Variants in ZNF385D observed in about 807,000 individuals in gnomAD.
ZNF385D encodes zinc finger protein 385D, also known as zinc finger protein 659.
A neutral mutation model predicts 35.8 loss-of-function variants in ZNF385D; 15 were observed. The observed-to-expected ratio is 0.42, with a 90% CI of 0.28 to 0.64. ZNF385D has a LOEUF of 0.64. ZNF385D is among the 30% of genes least tolerant of loss of function. ZNF385D has a pLI of 0.23. For missense variants in ZNF385D, 474 were observed against 494.6 expected (o/e 0.96, Z 0.39); for synonymous variants, 212 against 186.8 (o/e 1.13, Z -1.10).
At chr3:21,843,037 A>T (rs1255048590) in intron 3 of ZNF385D, among the ~76,000 whole-genome samples, 1 of 152,086 alleles carries the variant, frequency 6.6e-6, no homozygotes, top group African/African-American at 2.4e-5. Flanking sequence ...TTAGCATAAA[A>T]GCTTTTAAGA....
At chr3:22,357,621 A>G (rs1265992252) in intron 2 of ZNF385D, among the ~76,000 whole-genome samples, 3 of 151,838 alleles carry the variant, frequency 2.0e-5, no homozygotes, top group East Asian at 1.9e-4. Context: ...AAAAAAACTT[A>G]TTTCTTGTTC....
At chr3:22,312,249 T>C (rs1055596984) in intron 2 of ZNF385D, among the ~76,000 whole-genome samples, 2 of 152,160 alleles carry the variant, frequency 1.3e-5, no homozygotes, top group Admixed American at 6.6e-5. Flanking sequence ...AAAATAGATA[T>C]GCACAGTAAT....
At chr3:22,166,144 C>T (rs557781438) in intron 3 of ZNF385D, among the ~76,000 whole-genome samples, 9 of 152,206 alleles carry the variant, frequency 5.9e-5, no homozygotes, top group African/African-American at 1.9e-4. Context: ...CTAAGATGAC[C>T]AAGTATTCCC....
chr3:21,892,638 A>G (rs929641885), intron 3 of ZNF385D, among the ~76,000 whole-genome samples: 2 of 152,188 alleles, frequency 1.3e-5, no homozygotes, highest in Non-Finnish European at 2.9e-5. Flanking sequence ...GGAGCTAAAC[A>G]TAGGTCTTTA....
chr3:21,615,319 G>A (rs2125799480), intron 2 of ZNF385D, among the ~76,000 whole-genome samples: 1 of 151,870 alleles, frequency 6.6e-6, no homozygotes, highest in Middle Eastern at 3.4e-3. Flanking sequence ...GCTTCCCGAG[G>A]CCCTCATCAG....
chr3:21,659,532 A>C (rs1322207410), intron 2 of ZNF385D, among the ~76,000 whole-genome samples: 2 of 152,102 alleles, frequency 1.3e-5, no homozygotes, highest in African/African-American at 4.8e-5. Flanking sequence ...GTCCTGAGCA[A>C]TGTCATACAA....
chr3:22,286,699 A>G (rs538835149), intron 2 of ZNF385D, among the ~76,000 whole-genome samples: 1 of 152,222 alleles, frequency 6.6e-6, no homozygotes, highest in South Asian at 2.1e-4. Context: ...TAAGCTTTCC[A>G]TGATTCCTCC....
At chr3:21,488,014 A>G (rs1037533843) in intron 4 of ZNF385D, among the ~76,000 whole-genome samples, 5 of 152,116 alleles carry the variant, frequency 3.3e-5, no homozygotes, top group South Asian at 2.1e-4. Flanking sequence ...AGCTTCCACA[A>G]TGCTATATTG....
intron 3 of ZNF385D, among the ~76,000 whole-genome samples, chr3:21,809,770 A>G (rs538405179): frequency 1.5e-4 from 23 of 151,988 alleles, no homozygotes; most frequent in African/African-American, 5.5e-4. Flanking sequence ...TAGGTACATT[A>G]AAATTGAATA....
intron 3 of ZNF385D, among the ~76,000 whole-genome samples, chr3:21,866,712 T>C (rs1470654076): frequency 3.9e-5 from 6 of 152,158 alleles, no homozygotes; most frequent in African/African-American, 1.4e-4. Flanking sequence ...TTGGCATAAA[T>C]AGTAGCTAGA....
At chr3:22,276,949 A>G (rs1701460866) in intron 2 of ZNF385D, among the ~76,000 whole-genome samples, 1 of 152,108 alleles carries the variant, frequency 6.6e-6, no homozygotes, top group Admixed American at 6.6e-5. Context: ...CAACACATGC[A>G]TTCACTTAAG....
chr3:21,920,838 C>T (rs9859084), intron 3 of ZNF385D, among the ~76,000 whole-genome samples: 2 of 152,064 alleles, frequency 1.3e-5, no homozygotes, highest in East Asian at 3.9e-4. Flanking sequence ...ATCTGTAACA[C>T]TGCTTGATGA....
chr3:21,685,650 G>C (rs1300313853), intron 1 of ZNF385D, among the ~76,000 whole-genome samples: 1 of 152,082 alleles, frequency 6.6e-6, no homozygotes, highest in Non-Finnish European at 1.5e-5. Context: ...AATCTCAAGG[G>C]CTCTGAATAG....
At chr3:22,225,267 T>C (rs941110134) in intron 2 of ZNF385D, among the ~76,000 whole-genome samples, 1 of 152,088 alleles carries the variant, frequency 6.6e-6, no homozygotes, top group Non-Finnish European at 1.5e-5. Flanking sequence ...TGGTGCCCCA[T>C]GTATATCCCG....
chr3:22,283,953 C>T (rs577599095), intron 2 of ZNF385D, among the ~76,000 whole-genome samples: 2 of 152,142 alleles, frequency 1.3e-5, no homozygotes, highest in Admixed American at 1.3e-4. Flanking sequence ...GGTTAAGTTC[C>T]CATAATGGGA....
intron 3 of ZNF385D, among the ~76,000 whole-genome samples, chr3:21,837,870 CAA>C (rs57424579): frequency 0.21 from 28,892 of 138,680 alleles, 4,029 homozygotes; most frequent in African/African-American, 0.41. Context: ...GACTCCATCT[CAA>C]AAAAAAAAAA....
intron 3 of ZNF385D, among the ~76,000 whole-genome samples, chr3:21,988,681 C>T (rs1320437596): frequency 2.6e-5 from 4 of 151,548 alleles, no homozygotes; most frequent in African/African-American, 7.2e-5. Context: ...CCTCCTTGAG[C>T]TGTGGTGGGC....
At chr3:22,119,988 CTTTTTTCT>C (rs1703004739) in intron 3 of ZNF385D, among the ~76,000 whole-genome samples, 1 of 99,532 alleles carries the variant, frequency 1.0e-5, no homozygotes, top group Admixed American at 1.3e-4. Context: ...AATTTTTTTT[CTTTTTTCT>C]TTTTTTTTTT....
intron 2 of ZNF385D, among the ~76,000 whole-genome samples, chr3:22,305,346 C>T (rs1703146035): frequency 6.6e-6 from 1 of 152,096 alleles, no homozygotes; most frequent in Non-Finnish European, 1.5e-5. Flanking sequence ...TAAATTCACT[C>T]ATCCTTGCAT....
Sources: gnomAD v4.1 joint callset for allele counts (sites outside exome capture counted in the v4.1 genomes callset) on GRCh38, gnomAD v4.1.1 for gene constraint, MANE v1.5 for transcripts, NCBI Gene and HGNC (gene_info 2026-07-23, HGNC 2026-07-21) for gene names.